SNX29: variants seen among roughly 807,000 people sequenced by gnomAD.
SNX29 encodes the protein sorting nexin-29.
In SNX29, 78 loss-of-function variants were observed where a neutral mutation model predicts 102.1. The ratio of observed to expected loss-of-function variants is 0.76; its 90% CI spans 0.64 to 0.92. SNX29 has a LOEUF of 0.92. Ranked by LOEUF, SNX29 falls within the 40% of genes least tolerant of loss-of-function variation. SNX29 has a pLI of 0.00. For synonymous variants in SNX29, 580 were observed against 414.5 expected (o/e 1.40, Z -4.85); for missense variants, 1,280 against 1,061.7 (o/e 1.21, Z -2.86).
chr16:12,419,129 G>A (rs116879305), intron 18 of SNX29, among the ~76,000 whole-genome samples: 3 of 152,202 alleles, frequency 2.0e-5, no homozygotes, highest in Non-Finnish European at 4.4e-5. Context: ...CTAGTCAACA[G>A]TGTAAGCATT....
chr16:12,436,001 G>A (rs1185719442), intron 18 of SNX29, among the ~76,000 whole-genome samples: 1 of 152,202 alleles, frequency 6.6e-6, no homozygotes, highest in Non-Finnish European at 1.5e-5. Flanking sequence ...GTTGGATTTT[G>A]GGTCTGCCTT....
chr16:12,180,115 A>G (rs1263291332), intron 13 of SNX29, among the ~76,000 whole-genome samples: 1 of 151,486 alleles, frequency 6.6e-6, no homozygotes, highest in Non-Finnish European at 1.5e-5. Context: ...CATCTTATTT[A>G]CCTGTCTTCA....
intron 14 of SNX29, among the ~76,000 whole-genome samples, chr16:12,221,475 A>G (rs566608181): frequency 6.6e-6 from 1 of 152,326 alleles, no homozygotes; most frequent in Non-Finnish European, 1.5e-5. Flanking sequence ...TTAGCTGGGC[A>G]TGGTGGCACA....
intron 20 of SNX29, among the ~76,000 whole-genome samples, chr16:12,541,431 ATCAATGTC>A (rs778906162): frequency 2.0e-5 from 3 of 152,192 alleles, no homozygotes; most frequent in South Asian, 2.1e-4. Flanking sequence ...ATGGAAGGTC[ATCAATGTC>A]TCAAAGGACC....
At chr16:12,528,253 G>A (rs558921243) in intron 20 of SNX29, among the ~76,000 whole-genome samples, 2 of 152,148 alleles carry the variant, frequency 1.3e-5, no homozygotes, top group South Asian at 4.1e-4. Context: ...AGGCTGGAGT[G>A]CAGTGGCACA....
chr16:12,542,317 G>C (rs1235045182), intron 20 of SNX29, among the ~76,000 whole-genome samples: 1 of 152,190 alleles, frequency 6.6e-6, no homozygotes, highest in Non-Finnish European at 1.5e-5. Context: ...GTAAGTTTTA[G>C]AGCTGCTGTT....
intron 17 of SNX29, among the ~76,000 whole-genome samples, chr16:12,402,990 G>C (rs1259566170): frequency 6.6e-6 from 1 of 152,180 alleles, no homozygotes; most frequent in Non-Finnish European, 1.5e-5. Context: ...AGGGTCTAAA[G>C]TCAGCTCAGT....
rs573269981 is a variant in SNX29 at position 12,230,428 on chromosome 16, A to G, written c.1678+30745A>G. ...TGAGGAAAGATGCCTTGGTAAACAC[A>G]GTAGCAGGATTGCAAAGTGCAAACG... On this transcript the variant is annotated intron_variant, in intron 14 of 20. Transcript: ENST00000566228. Among the ~76,000 whole-genome samples the G allele has an allele frequency of 2.1e-4, 32 of 152,352 alleles. 1 individual carries two copies. In the South Asian group the frequency reaches 6.2e-3, roughly 30 times the overall value.
intron 15 of SNX29, among the ~76,000 whole-genome samples, chr16:12,278,553 G>T (rs924123288): frequency 2.6e-5 from 4 of 152,128 alleles, no homozygotes; most frequent in African/African-American, 7.2e-5. Flanking sequence ...AGCAAGCCTA[G>T]AGGGTTTCAT....
Position 12,472,893 on chromosome 16 carries a change from G to A in SNX29, c.2038-4826G>A, listed in dbSNP as rs375578419. On this transcript the variant is annotated intron_variant, in intron 18 of 20. Transcript: ENST00000566228. The stretch of plus-strand genomic sequence containing the variant: ...GAAGAAAGGGTTTGCCCCGATGCCC[G>A]ATTACAGATATTACCCTCCTATTTA... Among the ~76,000 whole-genome samples the A allele has an allele frequency of 6.6e-5, 10 of 152,212 alleles. No homozygotes were observed. In the East Asian group the frequency reaches 1.4e-3, roughly 21 times the overall value.
At chr16:12,216,669 C>G (rs1023072452) in intron 14 of SNX29, among the ~76,000 whole-genome samples, 1 of 152,202 alleles carries the variant, frequency 6.6e-6, no homozygotes, top group Non-Finnish European at 1.5e-5. Flanking sequence ...CTGCCCTTTG[C>G]TAGCAGTGTG....
At chr16:12,319,829 G>A (rs566459837) in intron 15 of SNX29, among the ~76,000 whole-genome samples, 2 of 152,170 alleles carry the variant, frequency 1.3e-5, no homozygotes, top group African/African-American at 4.8e-5. Context: ...AAAGCAGGAA[G>A]GGGGAGGGAT....
At chr16:12,526,329 G>C (rs1037055262) in intron 20 of SNX29, among the ~76,000 whole-genome samples, 28 of 152,102 alleles carry the variant, frequency 1.8e-4, no homozygotes, top group Non-Finnish European at 3.4e-4. Context: ...GTGCCCAGCG[G>C]TACCATCCAG....
chr16:12,310,925 C>T (rs1364962767), intron 15 of SNX29, among the ~76,000 whole-genome samples: 1 of 152,196 alleles, frequency 6.6e-6, no homozygotes, highest in African/African-American at 2.4e-5. Context: ...GAAGAAGTAG[C>T]ACATCCCCCA....
intron 13 of SNX29, among the ~76,000 whole-genome samples, chr16:12,187,680 C>T (rs1330018992): frequency 6.6e-6 from 1 of 152,126 alleles, no homozygotes; most frequent in African/African-American, 2.4e-5. Context: ...TCCCCCCAAC[C>T]CCCTTTTTTT....
At chr16:12,425,545 TAAA>T (rs869054147) in intron 18 of SNX29, among the ~76,000 whole-genome samples, 433 of 31,456 alleles carry the variant, frequency 0.014, 10 homozygotes, top group African/African-American at 0.032. Context: ...AAAAAAAAAA[TAAA>T]AAAAATAAAA....
At position 12,568,494 on chromosome 16, in the gene SNX29, C is replaced by A; in HGVS notation, c.2319-12C>A. ...CCCCAGACTTAACCCGATTCTCTCC[C>A]TGCTCTTTCAGCGACATCACCCCGC... On this transcript the variant is annotated splice_polypyrimidine_tract_variant and intron_variant, in intron 20 of 20. Transcript: ENST00000566228. 1 of 1,609,280 alleles carries A rather than the reference C, an allele frequency of 6.2e-7. No individual in the cohort carries two copies. Among genetic ancestry groups the A allele is most frequent in the Non-Finnish European group, 8.5e-7 (1 of 1,179,806 alleles).
chr16:12,515,317 T>A (rs1174212474), intron 19 of SNX29, among the ~76,000 whole-genome samples: 1 of 152,164 alleles, frequency 6.6e-6, no homozygotes, highest in Non-Finnish European at 1.5e-5. Context: ...CATTTATCTT[T>A]TAACTGGAAG....
chr16:12,563,857 C>T (rs1259271273), intron 20 of SNX29, among the ~76,000 whole-genome samples: 3 of 152,210 alleles, frequency 2.0e-5, no homozygotes, highest in African/African-American at 7.2e-5. Flanking sequence ...TGCTGAATAG[C>T]CATCTCTCCC....
Sources: allele counts gnomAD v4.1 joint callset (sites outside exome capture counted in the v4.1 genomes callset), GRCh38; gene constraint gnomAD v4.1.1; transcripts MANE v1.5; gene names NCBI Gene and HGNC (gene_info 2026-07-23, HGNC 2026-07-21).